Variants in GRIK1 observed in about 807,000 individuals in gnomAD.
The protein encoded by GRIK1 is glutamate receptor ionotropic, kainate 1.
A neutral mutation model predicts 105.7 loss-of-function variants in GRIK1; 69 were observed. The observed-to-expected ratio is 0.65, with a 90% CI of 0.54 to 0.80. The LOEUF is 0.80. Among genes scored for constraint, GRIK1 ranks in the 30% least tolerant of loss-of-function variants. The pLI, the probability that GRIK1 is intolerant of heterozygous loss-of-function variation, is 0.00. For synonymous variants in GRIK1, 438 were observed against 431.3 expected (o/e 1.02, Z -0.19); for missense variants, 1,109 against 1,167.3 (o/e 0.95, Z 0.73).
intron 1 of GRIK1, among the ~76,000 whole-genome samples, chr21:29,731,154 T>A (rs1303282563): frequency 1.3e-5 from 2 of 152,216 alleles, no homozygotes; most frequent in African/African-American, 4.8e-5. Flanking sequence ...CCTTGTTTGA[T>A]GAGAGGAATG....
intron 3 of GRIK1, among the ~76,000 whole-genome samples, chr21:29,684,100 C>G (rs945170284): frequency 6.6e-6 from 1 of 152,234 alleles, no homozygotes; most frequent in African/African-American, 2.4e-5. Context: ...ACATTTTCTA[C>G]TGTCTATCTA....
chr21:29,868,025 AAAGGAAG>A (rs2068886959), intron 1 of GRIK1, among the ~76,000 whole-genome samples: 3 of 96,674 alleles, frequency 3.1e-5, no homozygotes, highest in African/African-American at 1.4e-4. Flanking sequence ...AGACAGAAAG[AAAGGAAG>A]GAAGGAAGGA....
intron 1 of GRIK1, among the ~76,000 whole-genome samples, chr21:29,766,442 C>G (rs1873901266): frequency 6.6e-6 from 1 of 152,096 alleles, no homozygotes; most frequent in Admixed American, 6.6e-5. Context: ...TCTGATCCTT[C>G]TGTTGAGGTT....
chr21:29,575,077 T>G (rs747113012), intron 14 of GRIK1, among the ~76,000 whole-genome samples: 3 of 152,204 alleles, frequency 2.0e-5, no homozygotes, highest in Non-Finnish European at 4.4e-5. Context: ...ACTTTTTCCA[T>G]TACTTTGCTT....
chr21:29,827,061 T>A (rs1328451931), intron 1 of GRIK1, among the ~76,000 whole-genome samples: 1 of 152,090 alleles, frequency 6.6e-6, no homozygotes, highest in Non-Finnish European at 1.5e-5. Flanking sequence ...GGCTAAAAAA[T>A]CACCCATTTT....
At chr21:29,797,120 A>T (rs1015449891) in intron 1 of GRIK1, among the ~76,000 whole-genome samples, 5 of 152,208 alleles carry the variant, frequency 3.3e-5, no homozygotes, top group Non-Finnish European at 7.3e-5. Context: ...CCAGCAAGAC[A>T]GTGTCCTTAC....
chr21:29,834,186 T>A (rs1459051365), intron 1 of GRIK1, among the ~76,000 whole-genome samples: 3 of 151,678 alleles, frequency 2.0e-5, no homozygotes, highest in Non-Finnish European at 2.9e-5. Context: ...AGTTTTAGTA[T>A]TTTTTTAGAA....
chr21:29,786,468 G>A (rs545428853), intron 1 of GRIK1, among the ~76,000 whole-genome samples: 1 of 151,738 alleles, frequency 6.6e-6, no homozygotes, highest in South Asian at 2.1e-4. Context: ...GGCCACCTTC[G>A]ACCCTCTACA....
intron 3 of GRIK1, among the ~76,000 whole-genome samples, chr21:29,674,703 T>A (rs751188166): frequency 1.3e-5 from 2 of 152,182 alleles, no homozygotes; most frequent in Non-Finnish European, 2.9e-5. Flanking sequence ...TCTTCCTTCC[T>A]GTTTACCTTC....
At position 29,596,481 on chromosome 21, in the gene GRIK1, C is replaced by G. The variant is rs201283754; in HGVS notation, c.1251+45G>C. 4.9e-4 allele frequency: 649 copies of G among 1,335,806 alleles called. 2 individuals carry two copies. In the African/African-American group the frequency reaches 8.3e-3, roughly 17 times the overall value. The allele number at this position is 1,335,806 out of a possible 1,614,324, so 82.7% of individuals were successfully genotyped here. A position where few individuals can be genotyped will look rare whatever the true frequency, so the allele number is the denominator to read the frequency against. ...GCACAGGCCTTTCCAATGACATTCC[C>G]CATCCCACCCCCAGGTTTCCTGCAG... On this transcript the variant is annotated intron_variant, in intron 9 of 17. Coordinates refer to ENST00000327783, the MANE Select transcript of GRIK1 (RefSeq NM_001330994.2).
rs1056759190 is a variant in GRIK1, at chr21:29,551,669, A to G, written c.2607+3383T>C. ...TGAAAGAGATCATTTCTTTATCCAA[A>G]TCTCTGAATTACACTTTTAAGTAAT... On this transcript the variant is annotated intron_variant, in intron 16 of 17. Transcript: ENST00000327783. 4.6e-5 allele frequency among the ~76,000 whole-genome samples: 7 copies of G among 152,320 alleles called. No individual in the cohort carries two copies. The South Asian group carries it at 1.4e-3, about 32-fold the overall frequency.
At chr21:29,870,617 C>T (rs1458426816) in intron 1 of GRIK1, among the ~76,000 whole-genome samples, 1 of 152,034 alleles carries the variant, frequency 6.6e-6, no homozygotes, top group African/African-American at 2.4e-5. Flanking sequence ...CAGCAAATTT[C>T]TGTTTCACAA....
intron 1 of GRIK1, among the ~76,000 whole-genome samples, chr21:29,754,276 C>T (rs1283240479): frequency 3.3e-5 from 5 of 152,116 alleles, no homozygotes; most frequent in African/African-American, 1.2e-4. Flanking sequence ...TCCAAAATAA[C>T]TCATGTGTGG....
intron 4 of GRIK1, among the ~76,000 whole-genome samples, chr21:29,664,533 G>A (rs941761143): frequency 6.6e-5 from 10 of 151,692 alleles, no homozygotes; most frequent in African/African-American, 1.5e-4. Context: ...TAATGATCTC[G>A]TCTAACACAT....
intron 1 of GRIK1, among the ~76,000 whole-genome samples, chr21:29,800,876 G>A (rs1484823568): frequency 6.6e-6 from 1 of 152,182 alleles, no homozygotes; most frequent in Non-Finnish European, 1.5e-5. Flanking sequence ...ATACCTGAGT[G>A]CCTGAGGACA....
intron 1 of GRIK1, among the ~76,000 whole-genome samples, chr21:29,813,344 G>A (rs946577708): frequency 6.6e-6 from 1 of 152,040 alleles, no homozygotes; most frequent in Non-Finnish European, 1.5e-5. Context: ...CTAAGTGTTG[G>A]TTCAGTCATA....
At chr21:29,596,192 G>A in intron 9 of GRIK1, 1 of 401,760 alleles carries the variant, frequency 2.5e-6, no homozygotes, top group Admixed American at 3.6e-5. Flanking sequence ...AGTGATTTGA[G>A]AAGGAATATA....
chr21:29,821,380 T>C (rs2067302254), intron 1 of GRIK1, among the ~76,000 whole-genome samples: 1 of 152,078 alleles, frequency 6.6e-6, no homozygotes, highest in East Asian at 1.9e-4. Flanking sequence ...CTTTTTCTTG[T>C]AGTGTTGTGA....
chr21:29,564,980 A>G (rs1012877365), intron 14 of GRIK1, among the ~76,000 whole-genome samples: 1 of 152,198 alleles, frequency 6.6e-6, no homozygotes, highest in African/African-American at 2.4e-5. Context: ...CAACATCCAC[A>G]TCTTCCTTCT....
Sources: gnomAD v4.1 joint callset for allele counts (sites outside exome capture counted in the v4.1 genomes callset) on GRCh38, gnomAD v4.1.1 for gene constraint, MANE v1.5 for transcripts, NCBI Gene and HGNC (gene_info 2026-07-23, HGNC 2026-07-21) for gene names.